The following MARCO variants were observed in gnomAD, a reference collection of about 807,000 sequenced individuals.
MARCO encodes the protein macrophage receptor with collagenous structure.
MARCO carries 72 observed loss-of-function variants against 70.0 expected under a neutral mutation model. That is an observed-to-expected ratio of 1.03 (90% CI 0.85 to 1.25). The LOEUF (loss-of-function observed/expected upper bound fraction) is 1.25. Among genes scored for constraint, MARCO ranks in the 50% most tolerant of loss-of-function variants. The pLI, the probability that MARCO is intolerant of heterozygous loss-of-function variation, is 0.00. For synonymous variants in MARCO, 273 were observed against 243.1 expected (o/e 1.12, Z -1.14); for missense variants, 696 against 659.3 (o/e 1.06, Z -0.61).
At chr2:118,963,848 C>T (rs548124995) in intron 1 of MARCO, among the ~76,000 whole-genome samples, 127 of 152,044 alleles carry the variant, frequency 8.4e-4, no homozygotes, top group Middle Eastern at 3.4e-3. Context: ...CCATTTATAC[C>T]GAAAGTAATT....
chr2:118,991,925 C>A, intron 14 of MARCO, 50 bp downstream of exon 14: 3 of 1,293,110 alleles, frequency 2.3e-6, no homozygotes, highest in South Asian at 1.3e-5. Flanking sequence ...TGCTTTACAG[C>A]CAGTTCTGTA....
At chr2:118,983,223 A>T (rs1307960055) in intron 12 of MARCO, among the ~76,000 whole-genome samples, 1 of 152,198 alleles carries the variant, frequency 6.6e-6, no homozygotes, top group Non-Finnish European at 1.5e-5. Context: ...ATGTCTGCCA[A>T]GGACATCTGT....
chr2:118,942,309 TAAG>T lies in MARCO; in HGVS notation c.12_14del (p.Lys5del). On this transcript the variant is annotated inframe_deletion, in exon 1 of 17. Coordinates refer to ENST00000327097, the MANE Select transcript of MARCO (RefSeq NM_006770.4). ...ATCTATAAAGCTTGGCAATGAGAAA[TAAG>T]AAAATTCTCAAGGAGGACGAGCTCT... 1 of 1,612,860 alleles carries T rather than the reference TAAG, an allele frequency of 6.2e-7. No homozygotes were observed. The highest frequency in any genetic ancestry group is 8.5e-7 in the Non-Finnish European group (1 of 1,179,076).
At chr2:118,945,620 C>T (rs1679582916) in intron 1 of MARCO, among the ~76,000 whole-genome samples, 2 of 151,868 alleles carry the variant, frequency 1.3e-5, no homozygotes, top group African/African-American at 2.4e-5. Flanking sequence ...ACCATGTTGG[C>T]CAAGCTGGTG....
intron 14 of MARCO, 135 bp from the exon 15 acceptor site, chr2:118,992,297 T>G: frequency 2.9e-6 from 2 of 679,166 alleles, no homozygotes; most frequent in South Asian, 3.6e-5. Flanking sequence ...ATCCCCATAA[T>G]GCCAGGCCAC....
Position 118,979,133 on chromosome 2 carries a change from C to T in MARCO, c.766+1198C>T, listed in dbSNP as rs57453828. On this transcript the variant is annotated intron_variant, in intron 8 of 16. Coordinates refer to ENST00000327097, the MANE Select transcript of MARCO (RefSeq NM_006770.4). ...CTTACAAAAAAACTGGGAAGCCTTGCCCTCAAGAAGACAGCCCTTAGTAGG... is the reference window on the plus strand; with the variant it reads ...CTTACAAAAAAACTGGGAAGCCTTGTCCTCAAGAAGACAGCCCTTAGTAGG... 6.3e-4 allele frequency among the ~76,000 whole-genome samples: 96 copies of T among 152,276 alleles called. 2 individuals carry two copies. The East Asian group carries it at 0.017, about 27-fold the overall frequency.
intron 6 of MARCO, among the ~76,000 whole-genome samples, chr2:118,975,721 C>T (rs1266353708): frequency 6.6e-6 from 1 of 152,182 alleles, no homozygotes; most frequent in Admixed American, 6.5e-5. Context: ...TAATCACACT[C>T]ATGCACACAC....
In MARCO at chr2:118,945,404, C is replaced by CT. The variant is rs55684033; in HGVS notation, c.97+3026dup. Among the ~76,000 whole-genome samples the CT allele has an allele frequency of 3.0e-3, 363 of 123,044 alleles. 2 individuals are homozygous for CT. The highest frequency in any genetic ancestry group is 0.021 in the South Asian group (83 of 3,942). 80.7% of individuals were successfully genotyped at this position (123,044 alleles called of 152,430 possible). ...TGTGATCTGTCGGAACCTCTTGTTT[C>CT]TTTTTTTTTTTTTTTTTTTCTTTTT... On this transcript the variant is annotated intron_variant, in intron 1 of 16. Coordinates refer to ENST00000327097, the MANE Select transcript of MARCO (RefSeq NM_006770.4).
chr2:118,959,305 A>G (rs546273613), intron 1 of MARCO, among the ~76,000 whole-genome samples: 1 of 151,564 alleles, frequency 6.6e-6, no homozygotes, highest in Non-Finnish European at 1.5e-5. Context: ...AAAAAATTCC[A>G]TCAAAAAGTG....
intron 12 of MARCO, among the ~76,000 whole-genome samples, chr2:118,983,665 A>C (rs1410496523): frequency 6.6e-6 from 1 of 152,082 alleles, no homozygotes; most frequent in African/African-American, 2.4e-5. Flanking sequence ...TTCTGATCTT[A>C]TAATTCCATC....
chr2:118,971,586 A>C, intron 4 of MARCO, 52 bp downstream of exon 4: 3 of 1,597,272 alleles, frequency 1.9e-6, no homozygotes, highest in Non-Finnish European at 2.6e-6. Context: ...AAACCTCCCC[A>C]AAAGGGCCCC....
chr2:118,950,560 A>G (rs561400201), intron 1 of MARCO, among the ~76,000 whole-genome samples: 1 of 152,310 alleles, frequency 6.6e-6, no homozygotes, highest in African/African-American at 2.4e-5. Context: ...CCTTGCATAT[A>G]AACTGTTTCT....
intron 8 of MARCO, among the ~76,000 whole-genome samples, chr2:118,979,273 C>T (rs1680345120): frequency 6.6e-6 from 1 of 152,102 alleles, no homozygotes; most frequent in African/African-American, 2.4e-5. Context: ...TTCAGGAGGA[C>T]CAATTGTGCT....
chr2:118,994,531 C>G lies in MARCO; in HGVS notation c.*11C>G. The stretch of plus-strand genomic sequence containing the variant: ...GAGTGCAGCGTCTGACCCGGAAACC[C>G]TTTCACTTCTCTGCTCCCGAGGTGT... On this transcript the variant is annotated 3_prime_UTR_variant, in exon 17 of 17. Transcript: ENST00000327097. 6.4e-7 allele frequency: 1 copy of G among 1,567,222 alleles called. No individual in the cohort carries two copies. Among genetic ancestry groups the G allele is most frequent in the South Asian group, 1.2e-5 (1 of 82,908 alleles).
intron 8 of MARCO, among the ~76,000 whole-genome samples, chr2:118,978,930 G>A (rs892335888): frequency 4.6e-5 from 7 of 152,136 alleles, no homozygotes; most frequent in African/African-American, 1.7e-4. Context: ...ACAGACCTGG[G>A]TTCTGATATG....
rs368690099 is a variant in MARCO at position 118,977,942 on chromosome 2, G to T, written c.766+7G>T. 2 of 1,579,718 alleles carry T rather than the reference G, an allele frequency of 1.3e-6. No individual in the cohort carries two copies. Among genetic ancestry groups the T allele is most frequent in the Non-Finnish European group, 8.6e-7 (1 of 1,157,218 alleles). ...GGAGACCTGGGTCTCCCAGGTGAGG[G>T]CCGTATTGGGGGTGTCGGTGCTTGC... On this transcript the variant is annotated splice_region_variant and intron_variant, in intron 8 of 16. Coordinates refer to ENST00000327097, the MANE Select transcript of MARCO (RefSeq NM_006770.4).
chr2:118,951,165 C>T (rs112292577), intron 1 of MARCO, among the ~76,000 whole-genome samples: 2 of 152,132 alleles, frequency 1.3e-5, no homozygotes, highest in African/African-American at 2.4e-5. Context: ...TTACTGAATA[C>T]CCATTGTGTC....
At chr2:118,993,883 A>G (rs951793323) in intron 16 of MARCO, among the ~76,000 whole-genome samples, 3 of 152,232 alleles carry the variant, frequency 2.0e-5, no homozygotes, top group African/African-American at 7.2e-5. Context: ...TTAAGTCCCC[A>G]GGCAGAACCC....
chr2:118,963,434 T>C (rs7581410), intron 1 of MARCO, among the ~76,000 whole-genome samples: 27,981 of 152,058 alleles, frequency 0.18, 3,405 homozygotes, highest in African/African-American at 0.33. Context: ...ATTTTTATTG[T>C]ATTATTGGCA....
Sources: gnomAD v4.1 joint callset for allele counts (sites outside exome capture counted in the v4.1 genomes callset) on GRCh38, gnomAD v4.1.1 for gene constraint, MANE v1.5 for transcripts, NCBI Gene and HGNC (gene_info 2026-07-23, HGNC 2026-07-21) for gene names.